ALS2: variants seen among roughly 807,000 people sequenced by gnomAD.
ALS2 encodes alsin Rho guanine nucleotide exchange factor ALS2.
A neutral mutation model predicts 203.4 loss-of-function variants in ALS2; 117 were observed. The ratio of observed to expected loss-of-function variants is 0.58; its 90% CI spans 0.50 to 0.67. The LOEUF (loss-of-function observed/expected upper bound fraction) is 0.67. ALS2 is among the 30% of genes least tolerant of loss of function. The pLI, the probability that ALS2 is intolerant of heterozygous loss-of-function variation, is 0.00. For synonymous variants in ALS2, 718 were observed against 725.9 expected (o/e 0.99, Z 0.17); for missense variants, 1,715 against 1,989.4 (o/e 0.86, Z 2.62).
At chr2:201,709,558 G>T (rs1038376807) in intron 27 of ALS2, among the ~76,000 whole-genome samples, 2 of 152,190 alleles carry the variant, frequency 1.3e-5, no homozygotes, top group African/African-American at 4.8e-5. Context: ...CTACTCTGTG[G>T]TTGGGTTTTA....
rs1320228212 is a variant in ALS2, at chr2:201,724,393, T to C, written c.3414A>G (p.Leu1138=). 2 of 1,613,754 alleles carry C rather than the reference T, an allele frequency of 1.2e-6. No individual in the cohort carries two copies. The highest frequency in any genetic ancestry group is 2.7e-5 in the African/African-American group (2 of 74,932). The change falls in exon 21 of 34, where the codon CTA becomes CTG. Residue 1138 remains leucine, a synonymous_variant. Transcript: ENST00000264276. Reference sequence around the variant, plus strand: ...AAGAGGACGTCAATTTCCCACTTCGTAGAAGACCATGACCATGACGCATAT... The same window carrying C: ...AAGAGGACGTCAATTTCCCACTTCGCAGAAGACCATGACCATGACGCATAT... The part of the protein sequence containing the change: ...QDNMRHGHGL[L]RSGKLTSSSP...
At chr2:201,717,203 AC>A (rs1690459958) in intron 24 of ALS2, among the ~76,000 whole-genome samples, 1 of 151,956 alleles carries the variant, frequency 6.6e-6, no homozygotes, top group Non-Finnish European at 1.5e-5. Context: ...GGTGGCTCAC[AC>A]CTGTAATCCC....
Position 201,767,358 on chromosome 2 carries a change from C to G in ALS2, c.46G>C (p.Glu16Gln). ...TGCCAGATATGGACCAGGCCTCTTT[C>G]CTTGGATCCTTCTGCCTCTGTTGAG... ...RSSTEAEGSK[E>Q]RGLVHIWQAG... Residue 16 changes from glutamate to glutamine, a missense_variant, in exon 3 of 34, where the codon GAA becomes CAA. This residue lies in a region of ALS2 where 476 missense variants were observed against 539.3 expected (regional missense o/e 0.88). Transcript: ENST00000264276. 1 of 1,614,086 alleles carries G rather than the reference C, an allele frequency of 6.2e-7. No individual in the cohort carries two copies. Among genetic ancestry groups the G allele is most frequent in the East Asian group, 2.2e-5 (1 of 44,860 alleles).
chr2:201,720,309 T>A (rs1050408406), intron 23 of ALS2, among the ~76,000 whole-genome samples: 19 of 152,122 alleles, frequency 1.2e-4, no homozygotes, highest in African/African-American at 4.6e-4. Flanking sequence ...AAGGTTGGTT[T>A]AACATCAGAC....
intron 22 of ALS2, 68 bp from the exon 23 acceptor site, chr2:201,723,188 C>A (rs2105998476): frequency 1.4e-6 from 2 of 1,418,498 alleles, no homozygotes; most frequent in South Asian, 2.3e-5. Flanking sequence ...TGCACGCAGT[C>A]ATATCCCCAA....
rs1033209064 is a variant in ALS2 at position 201,700,332 on chromosome 2, T to C, written c.*1519A>G. 2.0e-5 allele frequency among the ~76,000 whole-genome samples: 3 copies of C among 152,188 alleles called. No individual in the cohort carries two copies. Among genetic ancestry groups the C allele is most frequent in the African/African-American group, 4.8e-5 (2 of 41,454 alleles). ...TTTGGAGACCCGTGTCCTTGGGTTATTGGGGTCAGAAAGTTAATTTGCTCT... is the reference window on the plus strand; with the variant it reads ...TTTGGAGACCCGTGTCCTTGGGTTACTGGGGTCAGAAAGTTAATTTGCTCT... On this transcript the variant is annotated 3_prime_UTR_variant, in exon 34 of 34. Coordinates refer to ENST00000264276, the MANE Select transcript of ALS2 (RefSeq NM_020919.4).
At chr2:201,735,289 A>G (rs1470773069) in intron 12 of ALS2, among the ~76,000 whole-genome samples, 1 of 152,222 alleles carries the variant, frequency 6.6e-6, no homozygotes, top group Non-Finnish European at 1.5e-5. Flanking sequence ...AGTGATGGTT[A>G]TACAACATTG....
At chr2:201,765,154 T>C (rs984786808) in intron 3 of ALS2, among the ~76,000 whole-genome samples, 19 of 152,138 alleles carry the variant, frequency 1.2e-4, no homozygotes, top group African/African-American at 4.6e-4. Context: ...CAGGCCTCCA[T>C]GCCTGGCTAA....
In ALS2 at chr2:201,714,338, G is replaced by C. The variant is rs150923178; in HGVS notation, c.4004+1334C>G. On this transcript the variant is annotated intron_variant, in intron 25 of 33. Coordinates refer to ENST00000264276, the MANE Select transcript of ALS2 (RefSeq NM_020919.4). Reference sequence around the variant, plus strand: ...AGGGTGCCTATGTGACCCGCCCCCAGTATAAACCCTGGGCACTGAGTCTCT... The same window carrying C: ...AGGGTGCCTATGTGACCCGCCCCCACTATAAACCCTGGGCACTGAGTCTCT... Among the ~76,000 whole-genome samples, 796 of 152,320 alleles carry C rather than the reference G, an allele frequency of 5.2e-3. 8 individuals are homozygous for C. Among genetic ancestry groups the C allele is most frequent in the African/African-American group, 0.018 (763 of 41,578 alleles).
chr2:201,703,147 GAAAAGTTTA>G (rs1197909448), intron 33 of ALS2, among the ~76,000 whole-genome samples: 1 of 151,990 alleles, frequency 6.6e-6, no homozygotes, highest in Non-Finnish European at 1.5e-5. Context: ...TATTTTAGTT[GAAAAGTTTA>G]AATAGTTAAC....
intron 9 of ALS2, among the ~76,000 whole-genome samples, chr2:201,746,062 C>G (rs1181746321): frequency 6.6e-6 from 1 of 152,168 alleles, no homozygotes; most frequent in Non-Finnish European, 1.5e-5. Context: ...GAGCCTATCT[C>G]AGGCTCTTGC....
chr2:201,714,048 G>A (rs1008463678), intron 25 of ALS2, among the ~76,000 whole-genome samples: 7 of 152,146 alleles, frequency 4.6e-5, no homozygotes, highest in African/African-American at 1.2e-4. Flanking sequence ...TTGTGAGACC[G>A]AGGCAGGAGG....
chr2:201,703,831 CT>C (rs1274486374), intron 33 of ALS2, among the ~76,000 whole-genome samples: 2 of 152,118 alleles, frequency 1.3e-5, no homozygotes, highest in Non-Finnish European at 2.9e-5. Flanking sequence ...CTTTCTGTTT[CT>C]TTTTTAGAAT....
chr2:201,733,196 T>G, intron 13 of ALS2, 80 bp downstream of exon 13: 1 of 1,433,766 alleles, frequency 7.0e-7, no homozygotes, highest in Non-Finnish European at 9.7e-7. Context: ...GAGTTCCAGA[T>G]CTTGTGGTGG....
At chr2:201,748,052 A>T (rs1469366386) in intron 8 of ALS2, among the ~76,000 whole-genome samples, 1 of 151,494 alleles carries the variant, frequency 6.6e-6, no homozygotes, top group East Asian at 1.9e-4. Flanking sequence ...GATAGGCAAC[A>T]CACACACACA....
In ALS2 at chr2:201,725,045, A is replaced by G. The variant is rs1033816982; in HGVS notation, c.3347+311T>C. Among the ~76,000 whole-genome samples, 3 of 151,698 alleles carry G rather than the reference A, an allele frequency of 2.0e-5. No individual in the cohort carries two copies. In the South Asian group the frequency reaches 6.3e-4, roughly 32 times the overall value. ...GGAGAATGGCATGAACCTGGGAGGC[A>G]GAGCTTGCAGTGAGCCAAGATTGCG... On this transcript the variant is annotated intron_variant, in intron 20 of 33. Coordinates refer to ENST00000264276, the MANE Select transcript of ALS2 (RefSeq NM_020919.4).
At chr2:201,737,187 G>C (rs546326573) in intron 12 of ALS2, among the ~76,000 whole-genome samples, 1 of 152,172 alleles carries the variant, frequency 6.6e-6, no homozygotes, top group Admixed American at 6.5e-5. Flanking sequence ...TATTTATATA[G>C]CATTTATATT....
intron 12 of ALS2, among the ~76,000 whole-genome samples, chr2:201,737,060 A>T (rs72924768): frequency 2.6e-5 from 4 of 152,164 alleles, no homozygotes; most frequent in Non-Finnish European, 5.9e-5. Flanking sequence ...AAGCTCCTCC[A>T]TATCTGTGAG....
At chr2:201,729,590 T>G (rs139497126) in intron 13 of ALS2, among the ~76,000 whole-genome samples, 171 of 152,196 alleles carry the variant, frequency 1.1e-3, no homozygotes, top group African/African-American at 3.9e-3. Flanking sequence ...CTTACAAAAA[T>G]TTTTTAATGG....
Sources: allele counts gnomAD v4.1 joint callset (sites outside exome capture counted in the v4.1 genomes callset), GRCh38; gene constraint gnomAD v4.1.1; regional missense constraint gnomAD v4.1.1; transcripts MANE v1.5; gene names NCBI Gene and HGNC (gene_info 2026-07-23, HGNC 2026-07-21).